The following KLF13 variants were observed in gnomAD, a reference collection of about 807,000 sequenced individuals.
The protein encoded by KLF13 is KLF transcription factor 13.
In KLF13, 8 loss-of-function variants were observed where a neutral mutation model predicts 16.7. That is an observed-to-expected ratio of 0.48 (90% CI 0.28 to 0.87). The LOEUF (loss-of-function observed/expected upper bound fraction) is 0.87. Ranked by LOEUF, KLF13 falls within the 40% of genes least tolerant of loss-of-function variation. The pLI is 0.10. For synonymous variants in KLF13, 245 were observed against 208.4 expected, an observed-to-expected ratio of 1.18 and a Z score of -1.51; for missense variants, 447 against 452.2, an observed-to-expected ratio of 0.99 and a Z score of 0.10.
chr15:31,384,121 G>A (rs2039766386), intron 1 of KLF13, among the ~76,000 whole-genome samples: 2 of 152,056 alleles, frequency 1.3e-5, no homozygotes, highest in South Asian at 4.1e-4. Flanking sequence ...GCTATATTGT[G>A]TTTACATGTT....
rs150443478 is a variant in KLF13, at chr15:31,353,260, C to T, written c.578-18750C>T. Among the ~76,000 whole-genome samples the T allele has an allele frequency of 6.7e-3, 1,017 of 152,268 alleles. 35 individuals carry two copies. The highest frequency in any genetic ancestry group is 0.039 in the Admixed American group (595 of 15,302). ...AGTAGTTACTGGGGGTGTTTACAGC[C>T]GCCTGTGCTGGGCCTCCCCTGGAGA... On this transcript the variant is annotated intron_variant, in intron 1 of 1. Transcript: ENST00000307145.
At chr15:31,351,858 C>G (rs538247672) in intron 1 of KLF13, among the ~76,000 whole-genome samples, 64 of 152,182 alleles carry the variant, frequency 4.2e-4, no homozygotes, top group African/African-American at 1.5e-3. Context: ...ACTAAAAATA[C>G]AAAAATTAGC....
upstream of KLF13, among the ~76,000 whole-genome samples, chr15:31,392,047 G>C (rs2039879146): frequency 6.6e-6 from 1 of 151,812 alleles, no homozygotes; most frequent in African/African-American, 2.4e-5. Context: ...CGAGCGGCCA[G>C]ACCCGCCAGC....
intron 1 of KLF13, among the ~76,000 whole-genome samples, chr15:31,364,121 T>A (rs972546403): frequency 2.8e-5 from 4 of 145,404 alleles, no homozygotes; most frequent in Non-Finnish European, 4.5e-5. Context: ...ATCCTGGTGG[T>A]CTCGTTTCCC....
intron 1 of KLF13, among the ~76,000 whole-genome samples, chr15:31,416,061 G>A (rs1377817680): frequency 3.9e-5 from 6 of 151,990 alleles, no homozygotes; most frequent in East Asian, 3.9e-4. Context: ...AACAAGTTAC[G>A]TAACAACAAA....
intron 1 of KLF13, among the ~76,000 whole-genome samples, chr15:31,424,149 T>C (rs1282567665): frequency 6.6e-6 from 1 of 152,034 alleles, no homozygotes; most frequent in East Asian, 1.9e-4. Context: ...TGGAGAATTC[T>C]ACCAAACACT....
intron 1 of KLF13, among the ~76,000 whole-genome samples, chr15:31,354,763 C>T (rs2039273626): frequency 6.6e-6 from 1 of 152,180 alleles, no homozygotes; most frequent in South Asian, 2.1e-4. Context: ...ATTTTCAGCA[C>T]CTGCTAGCCC....
intron 1 of KLF13, among the ~76,000 whole-genome samples, chr15:31,425,117 T>G (rs1052936626): frequency 6.6e-6 from 1 of 152,036 alleles, no homozygotes; most frequent in Non-Finnish European, 1.5e-5. Flanking sequence ...CTACAAAACA[T>G]TGCTGAAAGA....
intron 2 of KLF13, among the ~76,000 whole-genome samples, chr15:31,396,997 T>C (rs142768147): frequency 6.6e-6 from 1 of 152,088 alleles, no homozygotes; most frequent in East Asian, 1.9e-4. Flanking sequence ...TCTCGTTCAC[T>C]GTCTGGGTTA....
At chr15:31,432,901 G>A (rs1437322789) in intron 1 of KLF13, among the ~76,000 whole-genome samples, 1 of 152,090 alleles carries the variant, frequency 6.6e-6, no homozygotes, top group Non-Finnish European at 1.5e-5. Context: ...GATAACTTGA[G>A]GCCAGGAGTT....
intron 1 of KLF13, among the ~76,000 whole-genome samples, chr15:31,335,471 GTGTGTAT>G (rs2038914676): frequency 2.4e-5 from 2 of 83,542 alleles, no homozygotes; most frequent in African/African-American, 5.4e-5. Flanking sequence ...GTGTGTGTGT[GTGTGTAT>G]GGTGGCGGGG....
At chr15:31,415,021 A>G (rs1236655666) in intron 1 of KLF13, among the ~76,000 whole-genome samples, 2 of 152,140 alleles carry the variant, frequency 1.3e-5, no homozygotes, top group Non-Finnish European at 2.9e-5. Flanking sequence ...CTGAGTTCTT[A>G]TTCTATGAGT....
At chr15:31,368,331 C>T (rs774655703) in intron 1 of KLF13, among the ~76,000 whole-genome samples, 1 of 152,134 alleles carries the variant, frequency 6.6e-6, no homozygotes, top group Non-Finnish European at 1.5e-5. Context: ...GCTGGACTTT[C>T]CCAAGCTTTT....
upstream of KLF13, among the ~76,000 whole-genome samples, chr15:31,390,650 C>T (rs1320717092): frequency 2.0e-5 from 3 of 152,208 alleles, no homozygotes; most frequent in Non-Finnish European, 4.4e-5. Flanking sequence ...CATCTGCAGA[C>T]CCATGTCTCC....
At chr15:31,339,315 T>C (rs2038983736) in intron 1 of KLF13, among the ~76,000 whole-genome samples, 1 of 152,208 alleles carries the variant, frequency 6.6e-6, no homozygotes, top group Non-Finnish European at 1.5e-5. Flanking sequence ...GTTTCTATAA[T>C]TTCTTAATAA....
chr15:31,425,382 T>C (rs191040569), intron 1 of KLF13, among the ~76,000 whole-genome samples: 12 of 152,192 alleles, frequency 7.9e-5, no homozygotes, highest in African/African-American at 2.9e-4. Context: ...CAATTCAAAA[T>C]ACTACTCTGA....
At chr15:31,382,631 C>A (rs1292516141), downstream of KLF13, among the ~76,000 whole-genome samples, 1 of 152,186 alleles carries the variant, frequency 6.6e-6, no homozygotes, top group Non-Finnish European at 1.5e-5. Flanking sequence ...CTGCACCTGG[C>A]AGCTCAGTGT....
At chr15:31,348,686 G>A (rs1039799771) in intron 1 of KLF13, among the ~76,000 whole-genome samples, 3 of 152,150 alleles carry the variant, frequency 2.0e-5, no homozygotes, top group Non-Finnish European at 2.9e-5. Context: ...GGGGTGTCTC[G>A]GTGCTGGCAT....
intron 2 of KLF13, among the ~76,000 whole-genome samples, chr15:31,394,469 A>G (rs1306120392): frequency 6.6e-6 from 1 of 151,734 alleles, no homozygotes; most frequent in Non-Finnish European, 1.5e-5. Flanking sequence ...CCTGGGTGAC[A>G]GAGCGAGACT....
Sources: allele counts gnomAD v4.1 joint callset (sites outside exome capture counted in the v4.1 genomes callset), GRCh38; gene constraint gnomAD v4.1.1; transcripts MANE v1.5; gene names NCBI Gene and HGNC (gene_info 2026-07-23, HGNC 2026-07-21).